The following SPAG1 variants were observed in gnomAD, a reference collection of about 807,000 sequenced individuals.
SPAG1 encodes sperm associated antigen 1, also known as sperm-associated antigen 1.
SPAG1 carries 69 observed loss-of-function variants against 100.5 expected under a neutral mutation model. The ratio of observed to expected loss-of-function variants is 0.69; its 90% confidence interval spans 0.57 to 0.84. The LOEUF is 0.84. Ranked by LOEUF, SPAG1 falls within the 40% of genes least tolerant of loss-of-function variation. The probability of loss-of-function intolerance (pLI) is 0.00; values close to 1 mark genes in which losing one functional copy is unlikely to be tolerated. For synonymous variants in SPAG1, 336 were observed against 411.6 expected (o/e 0.82, Z 2.22); for missense variants, 955 against 1,133.1 (o/e 0.84, Z 2.26).
intron 8 of SPAG1, among the ~76,000 whole-genome samples, chr8:100,188,806 G>T (rs1816692201): frequency 6.6e-6 from 1 of 152,174 alleles, no homozygotes; most frequent in African/African-American, 2.4e-5. Context: ...AGCCATGGGA[G>T]TGCTAAGGGG....
At chr8:100,204,524 A>G (rs1586475239) in intron 10 of SPAG1, among the ~76,000 whole-genome samples, 1 of 147,198 alleles carries the variant, frequency 6.8e-6, no homozygotes, top group African/African-American at 2.5e-5. Flanking sequence ...AAAAAAAAAA[A>G]GGTTATAATA....
At chr8:100,194,654 A>G in intron 10 of SPAG1, 1 of 381,216 alleles carries the variant, frequency 2.6e-6, no homozygotes, top group Non-Finnish European at 4.6e-6. Flanking sequence ...AGCCCCATTT[A>G]TATGCCAAAA....
chr8:100,194,087 CT>C (rs1255284199), intron 9 of SPAG1, 24 bp from the exon 10 acceptor site: 6 of 1,323,018 alleles, frequency 4.5e-6, no homozygotes, highest in Middle Eastern at 3.8e-4. Context: ...AAAATATTTT[CT>C]TTAATATGGT....
At chr8:100,194,537 G>T in intron 10 of SPAG1, 1 of 549,926 alleles carries the variant, frequency 1.8e-6, no homozygotes. Context: ...GTGTTTATTT[G>T]ACACAGACCA....
chr8:100,213,439 C>T lies in SPAG1; in HGVS notation c.1435+11C>T. ...TCCTGGAGCCAGCAGGTAGGTGCGC[C>T]GCGCCCCGCCGCTTCCTGGGCCCCT... On this transcript the variant is annotated intron_variant, in intron 11 of 18. Coordinates refer to ENST00000388798, the MANE Select transcript of SPAG1 (RefSeq NM_003114.5). 1.4e-6 allele frequency: 2 copies of T among 1,385,772 alleles called. No individual in the cohort carries two copies. The highest frequency in any genetic ancestry group is 1.9e-6 in the Non-Finnish European group (2 of 1,072,686). 85.8% of individuals were successfully genotyped at this position (1,385,772 alleles called of 1,614,324 possible). A position where few individuals can be genotyped will look rare whatever the true frequency, so the allele number is the denominator to read the frequency against.
chr8:100,238,680 G>T (rs967819571), intron 16 of SPAG1, among the ~76,000 whole-genome samples: 1 of 152,164 alleles, frequency 6.6e-6, no homozygotes, highest in African/African-American at 2.4e-5. Flanking sequence ...TAGCCAATTC[G>T]AAGAGTAAAC....
At chr8:100,162,146 T>C (rs759834069) in intron 1 of SPAG1, 133 bp from the exon 2 acceptor site, 59 of 640,028 alleles carry the variant, frequency 9.2e-5, no homozygotes, top group Middle Eastern at 4.5e-4. Flanking sequence ...CTGGGCAACA[T>C]AGGGAGACTC....
At chr8:100,177,547 TAAAAC>T (rs1816182393) in intron 3 of SPAG1, among the ~76,000 whole-genome samples, 1 of 152,194 alleles carries the variant, frequency 6.6e-6, no homozygotes, top group African/African-American at 2.4e-5. Flanking sequence ...TAGTAAATGA[TAAAAC>T]AGACTAGTAT....
intron 16 of SPAG1, among the ~76,000 whole-genome samples, chr8:100,238,074 G>C (rs1345483575): frequency 6.6e-6 from 1 of 152,128 alleles, no homozygotes; most frequent in Admixed American, 6.5e-5. Context: ...GCTTAGAATG[G>C]TAAGAATCAG....
At chr8:100,168,376 C>T (rs1364164344) in intron 3 of SPAG1, among the ~76,000 whole-genome samples, 4 of 151,992 alleles carry the variant, frequency 2.6e-5, no homozygotes, top group Non-Finnish European at 5.9e-5. Flanking sequence ...AAAAAATTGC[C>T]TTGTGTTCTT....
At chr8:100,196,735 A>G (rs1225092894) in intron 10 of SPAG1, among the ~76,000 whole-genome samples, 2 of 152,042 alleles carry the variant, frequency 1.3e-5, no homozygotes, top group South Asian at 2.1e-4. Context: ...TTTTAATGTT[A>G]TATCGATGAA....
At chr8:100,187,406 C>T (rs1231069172) in intron 8 of SPAG1, among the ~76,000 whole-genome samples, 156 bp downstream of exon 8, 1 of 152,068 alleles carries the variant, frequency 6.6e-6, no homozygotes, top group African/African-American at 2.4e-5. Flanking sequence ...TTAAATTGAA[C>T]TTGTAAGTTA....
intron 3 of SPAG1, among the ~76,000 whole-genome samples, chr8:100,176,801 A>G (rs1034095248): frequency 1.7e-5 from 2 of 117,642 alleles, no homozygotes; most frequent in African/African-American, 6.4e-5. Context: ...ATGGCCTCAT[A>G]AATTTCCCTC....
chr8:100,204,586 G>A (rs1490683572), intron 10 of SPAG1, among the ~76,000 whole-genome samples: 1 of 152,124 alleles, frequency 6.6e-6, no homozygotes, highest in African/African-American at 2.4e-5. Flanking sequence ...CCCACTGTGA[G>A]CCAGCTGGAA....
rs77783647 is a variant in SPAG1, at chr8:100,162,160, C to T, written c.-2-119C>T. On this transcript the variant is annotated intron_variant, in intron 1 of 18. Coordinates refer to ENST00000388798, the MANE Select transcript of SPAG1 (RefSeq NM_003114.5). ...CCTGGGCAACATAGGGAGACTCTGT[C>T]TCTACAAAAAATTTTTAAAAATTCA... is the stretch of plus-strand genomic sequence containing the variant. The T allele has an allele frequency of 0.013, 10,149 of 770,450 alleles. 821 individuals carry two copies. The East Asian group carries it at 0.2, about 15-fold the overall frequency. 47.7% of individuals were successfully genotyped at this position (770,450 alleles called of 1,614,324 possible).
chr8:100,212,731 C>CA (rs1817765995), intron 10 of SPAG1, among the ~76,000 whole-genome samples: 1 of 152,200 alleles, frequency 6.6e-6, no homozygotes, highest in African/African-American at 2.4e-5. Flanking sequence ...CAACTCCATT[C>CA]AAAAAAGTAC....
rs1817814480 is a variant in SPAG1 at position 100,213,262 on chromosome 8, T to C, written c.1269T>C (p.Ser423=). 4.9e-6 allele frequency: 6 copies of C among 1,213,056 alleles called. No individual in the cohort carries two copies. Among genetic ancestry groups the C allele is most frequent in the Non-Finnish European group, 6.1e-6 (6 of 978,832 alleles). The allele number at this position is 1,213,056 out of a possible 1,614,324, so 75.1% of individuals were successfully genotyped here. A position where few individuals can be genotyped will look rare whatever the true frequency, so the allele number is the denominator to read the frequency against. Reference sequence around the variant, plus strand: ...ACAAGCGGAGCCCACGGCGGGCCTCTGCGGCGGCGGCGGCGGGCGGCGGCG... The same window carrying C: ...ACAAGCGGAGCCCACGGCGGGCCTCCGCGGCGGCGGCGGCGGGCGGCGGCG... The part of the protein sequence containing the change: ...GADKRSPRRA[S]AAAAAGGGAT... The change falls in exon 11 of 19, where the codon TCT becomes TCC. Residue 423 remains serine, a synonymous_variant. Coordinates refer to ENST00000388798, the MANE Select transcript of SPAG1 (RefSeq NM_003114.5).
At chr8:100,200,964 A>G (rs1288642708) in intron 10 of SPAG1, among the ~76,000 whole-genome samples, 2 of 151,172 alleles carry the variant, frequency 1.3e-5, no homozygotes, top group African/African-American at 4.9e-5. Flanking sequence ...TATGAAGTCC[A>G]ATTTTTTTTT....
rs1007882397 is a variant in SPAG1, at chr8:100,239,599, A to G, written c.2280+195A>G. On this transcript the variant is annotated intron_variant, in intron 17 of 18. Transcript: ENST00000388798. This position sits in a 1 kb window ranked among gnomAD's most constrained non-coding sequence, Gnocchi z 5.0. ...CCATTGTATTTCCCAACGTGGGTCC[A>G]TGGATGGTACTGGGAGTCTCTGCAT... is the stretch of plus-strand genomic sequence containing the variant. Among the ~76,000 whole-genome samples, 11 of 152,218 alleles carry G rather than the reference A, an allele frequency of 7.2e-5. No individual in the cohort carries two copies. The highest frequency in any genetic ancestry group is 2.7e-4 in the African/African-American group (11 of 41,448).
Sources: allele counts gnomAD v4.1 joint callset (sites outside exome capture counted in the v4.1 genomes callset), GRCh38; gene constraint gnomAD v4.1.1; non-coding constraint Gnocchi (gnomAD v3.1); transcripts MANE v1.5; gene names NCBI Gene and HGNC (gene_info 2026-07-23, HGNC 2026-07-21).